Variants in MGST1 observed in about 807,000 individuals in gnomAD.
MGST1 encodes microsomal glutathione S-transferase 1.
A neutral mutation model predicts 8.9 loss-of-function variants in MGST1; 5 were observed. That is an observed-to-expected ratio of 0.56 (90% CI 0.29 to 1.19). The LOEUF is 1.19. MGST1 is among the 50% of genes most tolerant of loss of function. The probability of loss-of-function intolerance (pLI) is 0.08; values close to 1 mark genes in which losing one functional copy is unlikely to be tolerated. For synonymous variants in MGST1, 54 were observed against 67.8 expected (o/e 0.80, Z 1.00); for missense variants, 182 against 187.4 (o/e 0.97, Z 0.17).
intron 4 of MGST1, chr12:16,549,682 A>T (rs1047083911): frequency 6.6e-6 from 1 of 152,242 alleles, no homozygotes; most frequent in African/African-American, 2.4e-5. Flanking sequence ...TGCTGTAGTG[A>T]AAATATGGTT....
intron 2 of MGST1, among the ~76,000 whole-genome samples, chr12:16,356,132 A>T (rs9332908): frequency 0.076 from 11,635 of 152,206 alleles, 539 homozygotes; most frequent in East Asian, 0.21. Flanking sequence ...CAAAGGCCTC[A>T]TATCCCAGAT....
intron 4 of MGST1, among the ~76,000 whole-genome samples, chr12:16,446,456 C>T (rs1018748819): frequency 5.9e-5 from 9 of 151,792 alleles, no homozygotes; most frequent in Non-Finnish European, 1.3e-4. Flanking sequence ...GGAGTCATTC[C>T]TGCATTTTTT....
chr12:16,496,071 C>T (rs1941468403), intron 4 of MGST1, among the ~76,000 whole-genome samples: 1 of 152,080 alleles, frequency 6.6e-6, no homozygotes, highest in Non-Finnish European at 1.5e-5. Flanking sequence ...TTGGTGCTGC[C>T]CTTCTGGAAA....
At chr12:16,487,130 C>T (rs1200704665) in intron 4 of MGST1, among the ~76,000 whole-genome samples, 2 of 152,150 alleles carry the variant, frequency 1.3e-5, no homozygotes, top group African/African-American at 2.4e-5. Flanking sequence ...CTTCAGGCCA[C>T]GTACTGCTCC....
chr12:16,424,033 A>G (rs559474751), intron 1 of MGST1, among the ~76,000 whole-genome samples: 3 of 152,334 alleles, frequency 2.0e-5, no homozygotes, highest in Non-Finnish European at 4.4e-5. Context: ...CAGCCTATCT[A>G]GCTTTGTTTT....
chr12:16,377,155 T>C (rs1324806349), exon 4 of MGST1: 2 of 152,134 alleles, frequency 1.3e-5, no homozygotes, highest in Non-Finnish European at 2.9e-5. Flanking sequence ...GTTTTTTAAA[T>C]TTTATTATTA....
At chr12:16,520,872 A>G (rs140653898) in intron 4 of MGST1, among the ~76,000 whole-genome samples, 275 of 152,238 alleles carry the variant, frequency 1.8e-3, no homozygotes, top group African/African-American at 6.5e-3. Flanking sequence ...ACCCAATAAA[A>G]CTTCTTCCTT....
At chr12:16,460,322 C>CGGGAAT (rs1689051655) in intron 4 of MGST1, among the ~76,000 whole-genome samples, 1 of 152,004 alleles carries the variant, frequency 6.6e-6, no homozygotes, top group Non-Finnish European at 1.5e-5. Context: ...CTGGAGGAAT[C>CGGGAAT]GGGAATGGGA....
intron 1 of MGST1, among the ~76,000 whole-genome samples, chr12:16,408,030 C>CAAAAAAAAAAAAAAAAAAAAAA (rs200073692): frequency 2.3e-5 from 1 of 44,100 alleles, no homozygotes; most frequent in African/African-American, 5.4e-5. Context: ...GACTCTGTCT[C>CAAAAAAAAAAAAAAAAAAAAAA]AAAAAAAAAA....
chr12:16,532,167 C>T (rs1941727407), intron 4 of MGST1, among the ~76,000 whole-genome samples: 1 of 152,116 alleles, frequency 6.6e-6, no homozygotes, highest in Non-Finnish European at 1.5e-5. Context: ...GTGTCTTTCT[C>T]CCAGATGTTA....
Position 16,463,016 on chromosome 12 carries a change from C to T in MGST1, n.482+79412C>T, listed in dbSNP as rs959684318. 3.3e-5 allele frequency among the ~76,000 whole-genome samples: 5 copies of T among 152,126 alleles called. No homozygotes were observed. In the East Asian group the frequency reaches 7.7e-4, roughly 23 times the overall value. On this transcript the variant is annotated intron_variant and non_coding_transcript_variant, in intron 4 of 4. Transcript: ENST00000538857. ...TTGTTCTCTCCCACCCTTTCTCTCT[C>T]TTGAAGATCTTCTAATCTAAAACTT...
intron 4 of MGST1, among the ~76,000 whole-genome samples, chr12:16,468,065 G>T (rs532825624): frequency 6.6e-6 from 1 of 152,038 alleles, no homozygotes; most frequent in African/African-American, 2.4e-5. Context: ...GCCAACTATC[G>T]CAAAACAACA....
intron 4 of MGST1, among the ~76,000 whole-genome samples, chr12:16,541,837 G>A (rs1941795109): frequency 2.0e-5 from 3 of 152,180 alleles, no homozygotes; most frequent in Non-Finnish European, 2.9e-5. Flanking sequence ...AATAAAATTC[G>A]TAAGTTTCGG....
intron 4 of MGST1, among the ~76,000 whole-genome samples, chr12:16,476,205 C>T (rs1168631352): frequency 6.6e-6 from 1 of 152,186 alleles, no homozygotes; most frequent in African/African-American, 2.4e-5. Flanking sequence ...AGACTCCTCA[C>T]ATCTTTAACA....
chr12:16,432,731 C>CACACAGAGAG (rs775306657), intron 1 of MGST1, among the ~76,000 whole-genome samples: 63 of 132,752 alleles, frequency 4.7e-4, no homozygotes, highest in Middle Eastern at 3.9e-3. Flanking sequence ...CACACACACA[C>CACACAGAGAG]AGAGAGAGAG....
rs1941481574 is a variant in MGST1 at position 16,498,105 on chromosome 12, G to T, written n.483-91423G>T. ...TTCCATCATAACATATCATTGTGAA[G>T]GATTCCAATGTACTTTCAAATAAAA... is the stretch of plus-strand genomic sequence containing the variant. On this transcript the variant is annotated intron_variant and non_coding_transcript_variant, in intron 4 of 4. Transcript: ENST00000538857. Among the ~76,000 whole-genome samples the T allele has an allele frequency of 2.6e-5, 4 of 152,192 alleles. No homozygotes were observed. In the South Asian group the frequency reaches 8.3e-4, roughly 32 times the overall value.
At chr12:16,588,210 T>A (rs1375282933) in intron 4 of MGST1, among the ~76,000 whole-genome samples, 2 of 151,944 alleles carry the variant, frequency 1.3e-5, no homozygotes, top group African/African-American at 4.8e-5. Flanking sequence ...TTCATAATTT[T>A]TAAAATGTAT....
At chr12:16,386,917 G>A (rs545124060) in intron 1 of MGST1, among the ~76,000 whole-genome samples, 6 of 152,264 alleles carry the variant, frequency 3.9e-5, no homozygotes, top group Middle Eastern at 3.4e-3. Flanking sequence ...TGTCCACCCT[G>A]TCAGTCACTT....
At chr12:16,381,709 C>T (rs1940455041), downstream of MGST1, among the ~76,000 whole-genome samples, 1 of 152,188 alleles carries the variant, frequency 6.6e-6, no homozygotes, top group African/African-American at 2.4e-5. Flanking sequence ...GGAAGTTCTC[C>T]TGGATAATAT....
Sources: allele counts gnomAD v4.1 joint callset (sites outside exome capture counted in the v4.1 genomes callset), GRCh38; gene constraint gnomAD v4.1.1; transcripts MANE v1.5; gene names NCBI Gene and HGNC (gene_info 2026-07-23, HGNC 2026-07-21).